Variants in SLC11A1 observed in about 807,000 individuals in gnomAD.
The protein encoded by SLC11A1 is solute carrier family 11 member 1, also known as natural resistance-associated macrophage protein 1.
In SLC11A1, 59 loss-of-function variants were observed where a neutral mutation model predicts 63.2. The ratio of observed to expected loss-of-function variants is 0.93; its 90% CI spans 0.76 to 1.16. The LOEUF is 1.16. Among genes scored for constraint, SLC11A1 ranks in the 50% most tolerant of loss-of-function variants. The probability of loss-of-function intolerance (pLI) is 0.00; values close to 1 mark genes in which losing one functional copy is unlikely to be tolerated. For synonymous variants in SLC11A1, 305 were observed against 307.8 expected, an observed-to-expected ratio of 0.99 and a Z score of 0.09; for missense variants, 688 against 730.7, an observed-to-expected ratio of 0.94 and a Z score of 0.67.
intron 12 of SLC11A1, among the ~76,000 whole-genome samples, chr2:218,393,337 C>T (rs1417887222): frequency 6.9e-6 from 1 of 143,936 alleles, no homozygotes; most frequent in East Asian, 2.1e-4. Context: ...CCCAGATGGT[C>T]TCCCTCTGTC....
In SLC11A1 at chr2:218,387,537, T is replaced by A. The variant is rs1283776768; in HGVS notation, c.572-28T>A. ...ATGTCACAGATTTTTTTCGTTGGTT[T>A]GTTTAGTTTGTTTGTTCTGCTCCGT... On this transcript the variant is annotated intron_variant, in intron 6 of 14. Coordinates refer to ENST00000233202, the MANE Select transcript of SLC11A1 (RefSeq NM_000578.4). 4.3e-6 allele frequency: 7 copies of A among 1,610,660 alleles called. No individual in the cohort carries two copies. In the East Asian group the frequency reaches 1.6e-4, roughly 36 times the overall value.
intron 6 of SLC11A1, 105 bp downstream of exon 6, chr2:218,387,335 ACT>A: frequency 8.6e-7 from 1 of 1,163,358 alleles, no homozygotes; most frequent in Non-Finnish European, 1.2e-6. Context: ...GAGCTCCCTC[ACT>A]CTCCCTGGGT....
At chr2:218,386,601 C>G (rs377217125) in intron 4 of SLC11A1, 34 bp from the exon 5 acceptor site, 1 of 1,481,300 alleles carries the variant, frequency 6.8e-7, no homozygotes, top group African/African-American at 1.4e-5. Flanking sequence ...AATAACCGGC[C>G]CACCCTTAAT....
chr2:218,392,885 C>T (rs746059145), intron 11 of SLC11A1, 96 bp from the exon 12 acceptor site: 6 of 1,003,920 alleles, frequency 6.0e-6, no homozygotes, highest in Non-Finnish European at 8.5e-6. Flanking sequence ...CAGAGCATGC[C>T]CCCAGGGATA....
chr2:218,395,140 G>T lies in SLC11A1; in HGVS notation c.*105G>T, dbSNP rs1159937548. The T allele has an allele frequency of 6.0e-6, 5 of 838,624 alleles. No homozygotes were observed. The highest frequency in any genetic ancestry group is 2.3e-5 in the Admixed American group (1 of 43,748). The allele number at this position is 838,624 out of a possible 1,614,324, so 51.9% of individuals were successfully genotyped here. On this transcript the variant is annotated 3_prime_UTR_variant, in exon 15 of 15. Transcript: ENST00000233202. The stretch of plus-strand genomic sequence containing the variant: ...CAGGATAGAGTGGGACAGTTCCTGA[G>T]ACCAGCCAACCTGGGGGCTTTAGGG...
intron 2 of SLC11A1, 158 bp downstream of exon 2, chr2:218,383,260 C>G: frequency 1.4e-6 from 1 of 720,142 alleles, no homozygotes; most frequent in Non-Finnish European, 2.3e-6. Context: ...TTCCTGCTTC[C>G]GTCCCCAGTG....
Position 218,391,414 on chromosome 2 carries a change from C to A in SLC11A1, c.1083C>A (p.Leu361=), listed in dbSNP as rs761817430. The change falls in exon 11 of 15, where the codon CTC becomes CTA. Residue 361 remains leucine, a synonymous_variant. Transcript: ENST00000233202. ...GCTGCCTGTTCGGCCCCGCGGCCCT[C>A]TACATCTGGGCCATAGGTCTCCTGG... The part of the protein sequence containing the change: ...ILGCLFGPAA[L]YIWAIGLLAA... 1 of 1,613,850 alleles carries A rather than the reference C, an allele frequency of 6.2e-7. No individual in the cohort carries two copies. Among genetic ancestry groups the A allele is most frequent in the East Asian group, 2.2e-5 (1 of 44,876 alleles).
chr2:218,392,898 TC>T, intron 11 of SLC11A1, 82 bp from the exon 12 acceptor site: 1 of 1,137,172 alleles, frequency 8.8e-7, no homozygotes, highest in South Asian at 1.5e-5. Flanking sequence ...CAGGGATAAA[TC>T]GGTTGAGGGA....
rs772945389 is a variant in SLC11A1, at chr2:218,385,249, C to CATCT, written c.377_380dup (p.Tyr128SerfsTer5). The CATCT allele has an allele frequency of 6.2e-7, 1 of 1,613,964 alleles. No homozygotes were observed. Among genetic ancestry groups the CATCT allele is most frequent in the South Asian group, 1.1e-5 (1 of 91,082 alleles). On this transcript the variant is annotated frameshift_variant, in exon 4 of 15. Coordinates refer to ENST00000233202, the MANE Select transcript of SLC11A1 (RefSeq NM_000578.4). LOFTEE classifies it high-confidence loss of function. ...AGGCAAGGACTTGGGCGAGGTCTGCCATCTCTACTACCCTAAGGTGAGCTT... is the reference window on the plus strand; with the variant it reads ...AGGCAAGGACTTGGGCGAGGTCTGCCATCTATCTCTACTACCCTAAGGTGAGCTT...
intron 12 of SLC11A1, 73 bp downstream of exon 12, chr2:218,393,203 G>A: frequency 7.2e-7 from 1 of 1,382,220 alleles, no homozygotes; most frequent in Non-Finnish European, 9.4e-7. Context: ...CCCACGCTGA[G>A]CCTTGCATGG....
intron 4 of SLC11A1, chr2:218,385,473 C>T: frequency 1.6e-6 from 1 of 624,364 alleles, no homozygotes; most frequent in Non-Finnish European, 2.9e-6. Context: ...TCACTGCAAC[C>T]TCTACCTCCC....
Position 218,382,336 on chromosome 2 carries a change from C to T in SLC11A1, c.-33C>T. The stretch of plus-strand genomic sequence containing the variant: ...CTGAGGAGCTGCCCAGAGCACCGCT[C>T]ACACTCCCAGAGTACCTGAAGTCGG... On this transcript the variant is annotated 5_prime_UTR_variant, in exon 1 of 15. Coordinates refer to ENST00000233202, the MANE Select transcript of SLC11A1 (RefSeq NM_000578.4). The T allele has an allele frequency of 6.2e-7, 1 of 1,612,666 alleles. No individual in the cohort carries two copies. The highest frequency in any genetic ancestry group is 8.5e-7 in the Non-Finnish European group (1 of 1,179,236).
rs139642754 is a variant in SLC11A1 at position 218,395,190 on chromosome 2, T to C, written c.*155T>C. The C allele has an allele frequency of 9.1e-4, 561 of 615,528 alleles. 1 individual carries two copies. Among genetic ancestry groups the C allele is most frequent in the African/African-American group, 8.7e-3 (473 of 54,604 alleles). 38.1% of individuals were successfully genotyped at this position (615,528 alleles called of 1,614,324 possible). Reference sequence around the variant, plus strand: ...GACCTGCTGTTTCCTAGCGCAGCCATGTGATTACCCTCTGGGTCTCAGTGT... The same window carrying C: ...GACCTGCTGTTTCCTAGCGCAGCCACGTGATTACCCTCTGGGTCTCAGTGT... On this transcript the variant is annotated 3_prime_UTR_variant, in exon 15 of 15. Coordinates refer to ENST00000233202, the MANE Select transcript of SLC11A1 (RefSeq NM_000578.4).
In SLC11A1 at chr2:218,395,188, C is replaced by T; in HGVS notation, c.*153C>T. 1.6e-6 allele frequency: 1 copy of T among 615,784 alleles called. No homozygotes were observed. Among genetic ancestry groups the T allele is most frequent in the Non-Finnish European group, 2.9e-6 (1 of 346,676 alleles). 38.1% of individuals were successfully genotyped at this position (615,784 alleles called of 1,614,324 possible). A position where few individuals can be genotyped will look rare whatever the true frequency, so the allele number is the denominator to read the frequency against. On this transcript the variant is annotated 3_prime_UTR_variant, in exon 15 of 15. Coordinates refer to ENST00000233202, the MANE Select transcript of SLC11A1 (RefSeq NM_000578.4). Reference sequence around the variant, plus strand: ...GGGACCTGCTGTTTCCTAGCGCAGCCATGTGATTACCCTCTGGGTCTCAGT... The same window carrying T: ...GGGACCTGCTGTTTCCTAGCGCAGCTATGTGATTACCCTCTGGGTCTCAGT...
chr2:218,394,158 C>T lies in SLC11A1; in HGVS notation c.1353C>T (p.Ser451=). The T allele has an allele frequency of 1.9e-6, 3 of 1,614,210 alleles. No homozygotes were observed. In the South Asian group the frequency reaches 3.3e-5, roughly 18 times the overall value. The change falls in exon 13 of 15, where the codon AGC becomes AGT. Residue 451 remains serine (S), a synonymous_variant. Coordinates refer to ENST00000233202, the MANE Select transcript of SLC11A1 (RefSeq NM_000578.4). The part of the protein sequence containing the change: ...FAVLPILTFT[S]MPTLMQEFAN... ...TGCTGCCCATCCTCACGTTCACCAG[C>T]ATGCCCACCCTCATGCAGGAGTTTG...
In SLC11A1 at chr2:218,394,136, T is replaced by C. The variant is rs1408890214; in HGVS notation, c.1331T>C (p.Leu444Pro). The C allele has an allele frequency of 1.2e-6, 2 of 1,614,178 alleles. No individual in the cohort carries two copies. Among genetic ancestry groups the C allele is most frequent in the Non-Finnish European group, 1.7e-6 (2 of 1,180,034 alleles). Residue 444 changes from leucine to proline, a missense_variant, in exon 13 of 15, where the codon CTG becomes CCG. Physicochemically the swap from Leu to Pro is moderately conservative, Grantham distance 98. Transcript: ENST00000233202. ...LQSLLLPFAVLPILTFTSMPT... is the reference protein window; with the variant it reads ...LQSLLLPFAVPPILTFTSMPT... ...TCTCCCCAGCTCCCGTTCGCCGTGC[T>C]GCCCATCCTCACGTTCACCAGCATG...
At chr2:218,386,996 C>A in intron 5 of SLC11A1, 164 bp from the exon 6 acceptor site, 1 of 699,426 alleles carries the variant, frequency 1.4e-6, no homozygotes, top group Non-Finnish European at 2.5e-6. Context: ...TCTGCCCTGC[C>A]TCGACTGTTC....
chr2:218,391,351 G>A (rs773553598), intron 10 of SLC11A1, 25 bp from the exon 11 acceptor site: 50 of 1,613,812 alleles, frequency 3.1e-5, no homozygotes, highest in African/African-American at 4.0e-5. Flanking sequence ...CAGGGCCACC[G>A]GTCCTACCAC....
chr2:218,395,032 C>T lies in SLC11A1; in HGVS notation c.1650C>T (p.Gly550=). The change falls in exon 15 of 15, where the codon GGC becomes GGT. Residue 550 remains glycine (G), a synonymous_variant. Coordinates refer to ENST00000233202, the MANE Select transcript of SLC11A1 (RefSeq NM_000578.4). The part of the protein sequence containing the change: ...LEEDQKGETS[G] ...AGGACCAGAAAGGGGAGACCTCTGG[C>T]TAGGCCCACACCAGGGCCTGGCTGG... 1 of 1,598,156 alleles carries T rather than the reference C, an allele frequency of 6.3e-7. No homozygotes were observed. The highest frequency in any genetic ancestry group is 1.1e-5 in the South Asian group (1 of 89,104).
Sources: allele counts gnomAD v4.1 joint callset (sites outside exome capture counted in the v4.1 genomes callset), GRCh38; gene constraint gnomAD v4.1.1; transcripts MANE v1.5; gene names NCBI Gene and HGNC (gene_info 2026-07-23, HGNC 2026-07-21).